SUCLA2: variants seen among roughly 807,000 people sequenced by gnomAD.
The protein encoded by SUCLA2 is succinate--CoA ligase [ADP-forming] subunit beta, mitochondrial.
Under a neutral mutation model 54.8 loss-of-function variants are expected in SUCLA2, and 30 were observed. The observed-to-expected ratio is 0.55, with a 90% CI of 0.41 to 0.74. The LOEUF (loss-of-function observed/expected upper bound fraction) is 0.74. Among genes scored for constraint, SUCLA2 ranks in the 30% least tolerant of loss-of-function variants. SUCLA2 has a pLI of 0.00. For missense variants in SUCLA2, 476 were observed against 562.9 expected (o/e 0.85, Z 1.56); for synonymous variants, 172 against 188.9 (o/e 0.91, Z 0.74).
intron 10 of SUCLA2, 113 bp from the exon 11 acceptor site, chr13:47,943,558 C>A: frequency 1.1e-6 from 1 of 896,380 alleles, no homozygotes; most frequent in Non-Finnish European, 1.8e-6. Context: ...ACTATTCTGA[C>A]ATTGCTATAA....
chr13:47,971,051 A>C (rs1949959089), intron 5 of SUCLA2, among the ~76,000 whole-genome samples: 2 of 151,850 alleles, frequency 1.3e-5, no homozygotes, highest in African/African-American at 4.8e-5. Flanking sequence ...AAAACTAAAA[A>C]TAAAAATCAA....
rs770679675 is a variant in SUCLA2 at position 47,943,159 on chromosome 13, AAAG to A, written c.*209_*211del. On this transcript the variant is annotated 3_prime_UTR_variant, in exon 11 of 11. Coordinates refer to ENST00000646932, the MANE Select transcript of SUCLA2 (RefSeq NM_003850.3). ...CAAAAAAGACTGGCTGCGACAAAAG[AAAG>A]AAGATAACTGCATTATACATGCTTC... is the stretch of plus-strand genomic sequence containing the variant. 2 of 528,320 alleles carry A rather than the reference AAAG, an allele frequency of 3.8e-6. No individual in the cohort carries two copies. Among genetic ancestry groups the A allele is most frequent in the South Asian group, 2.6e-5 (1 of 39,194 alleles). The allele number at this position is 528,320 out of a possible 1,614,324, so 32.7% of individuals were successfully genotyped here.
chr13:47,965,401 T>C (rs952156408), intron 6 of SUCLA2, among the ~76,000 whole-genome samples: 4 of 150,286 alleles, frequency 2.7e-5, no homozygotes, highest in African/African-American at 9.8e-5. Context: ...CCTCCTGACA[T>C]TGTGCACTAT....
intron 2 of SUCLA2, among the ~76,000 whole-genome samples, chr13:47,993,183 G>T (rs2137749002): frequency 1.3e-5 from 2 of 152,284 alleles, no homozygotes; most frequent in Middle Eastern, 6.8e-3. Flanking sequence ...AATGAGCCAT[G>T]ATCACACCAC....
chr13:47,962,931 C>A (rs1469192111), intron 6 of SUCLA2, among the ~76,000 whole-genome samples: 1 of 152,194 alleles, frequency 6.6e-6, no homozygotes, highest in Non-Finnish European at 1.5e-5. Context: ...CTCACCAGAT[C>A]ACCACATCCA....
At position 47,968,585 on chromosome 13, in the gene SUCLA2, G is replaced by T; in HGVS notation, c.802+10C>A. On this transcript the variant is annotated intron_variant, in intron 6 of 10. Transcript: ENST00000646932. ...TGCATAATCATGTTAGACAAAAGAAGATACTTTACCAGCTCCATCTGAATC... is the reference window on the plus strand; with the variant it reads ...TGCATAATCATGTTAGACAAAAGAATATACTTTACCAGCTCCATCTGAATC... The T allele has an allele frequency of 6.2e-7, 1 of 1,611,218 alleles. No individual in the cohort carries two copies. The highest frequency in any genetic ancestry group is 8.5e-7 in the Non-Finnish European group (1 of 1,179,560).
At chr13:47,992,145 T>C (rs1950154793) in intron 2 of SUCLA2, among the ~76,000 whole-genome samples, 1 of 152,228 alleles carries the variant, frequency 6.6e-6, no homozygotes, top group Admixed American at 6.5e-5. Flanking sequence ...AAAATGGTCA[T>C]AGTTACACTG....
intron 9 of SUCLA2, 58 bp downstream of exon 9, chr13:47,949,425 A>C (rs180722778): frequency 1.3e-6 from 2 of 1,596,936 alleles, no homozygotes; most frequent in Admixed American, 3.3e-5. Context: ...ACTGAACTCC[A>C]TGGAAATGTG....
At chr13:47,999,060 A>G (rs1038105475) in intron 1 of SUCLA2, among the ~76,000 whole-genome samples, 1 of 152,242 alleles carries the variant, frequency 6.6e-6, no homozygotes, top group Non-Finnish European at 1.5e-5. Flanking sequence ...GTTCACAGGC[A>G]TGTAAATAAA....
chr13:47,959,453 AGG>A (rs1949849082), intron 6 of SUCLA2, among the ~76,000 whole-genome samples: 1 of 118,568 alleles, frequency 8.4e-6, no homozygotes, highest in Non-Finnish European at 1.7e-5. Context: ...GAGGGGGAGG[AGG>A]AGAGGTGGAG....
intron 2 of SUCLA2, among the ~76,000 whole-genome samples, chr13:47,992,021 T>C (rs1266116922): frequency 6.6e-6 from 1 of 152,240 alleles, no homozygotes; most frequent in Non-Finnish European, 1.5e-5. Context: ...GAGCAGCCAC[T>C]ATTTATTCCA....
At position 47,949,634 on chromosome 13, in the gene SUCLA2, T is replaced by C; in HGVS notation, c.1108-31A>G. 2 of 1,610,336 alleles carry C rather than the reference T, an allele frequency of 1.2e-6. 1 individual carries two copies. Among genetic ancestry groups the C allele is most frequent in the South Asian group, 2.2e-5 (2 of 90,944 alleles). ...AATAAAGTGTTCTGATAGATTAAAA[T>C]TTAAAAGAAATTTAAGTTCTTTTCC... is the stretch of plus-strand genomic sequence containing the variant. On this transcript the variant is annotated intron_variant, in intron 8 of 10. Coordinates refer to ENST00000646932, the MANE Select transcript of SUCLA2 (RefSeq NM_003850.3).
At chr13:47,979,210 T>C (rs1311538178) in intron 4 of SUCLA2, among the ~76,000 whole-genome samples, 1 of 152,042 alleles carries the variant, frequency 6.6e-6, no homozygotes, top group Non-Finnish European at 1.5e-5. Flanking sequence ...TGTGGCATGA[T>C]TCACAATAGC....
At chr13:47,998,538 T>C (rs903146665) in intron 1 of SUCLA2, among the ~76,000 whole-genome samples, 3 of 152,178 alleles carry the variant, frequency 2.0e-5, no homozygotes, top group Admixed American at 6.5e-5. Flanking sequence ...CTGTGGTATA[T>C]GTATATAATA....
At chr13:47,943,572 A>G in intron 10 of SUCLA2, 127 bp from the exon 11 acceptor site, 1 of 802,366 alleles carries the variant, frequency 1.2e-6, no homozygotes, top group Non-Finnish European at 2.1e-6. Context: ...GCTATAAATC[A>G]CATTACGTTC....
chr13:47,996,999 TAAAC>T lies in SUCLA2; in HGVS notation c.111_114del (p.Phe38IlefsTer21), dbSNP rs1189679407. 4.3e-6 allele frequency: 7 copies of T among 1,613,986 alleles called. No homozygotes were observed. ...TGCTGTACTTGGAGTCCATGGTTAT[TAAAC>T]AATCCAGAACTTCCCAGAACCTAGA... is the stretch of plus-strand genomic sequence containing the variant. On this transcript the variant is annotated frameshift_variant, in exon 2 of 11. Transcript: ENST00000646932. LOFTEE classifies it high-confidence loss of function.
At chr13:47,954,361 A>G (rs756715984) in intron 7 of SUCLA2, 35 bp downstream of exon 7, 3 of 1,613,766 alleles carry the variant, frequency 1.9e-6, no homozygotes, top group Admixed American at 3.3e-5. Flanking sequence ...AATTAAACTT[A>G]GTGAATCCAA....
At chr13:47,984,669 G>A (rs1238017687) in intron 4 of SUCLA2, among the ~76,000 whole-genome samples, 1 of 152,056 alleles carries the variant, frequency 6.6e-6, no homozygotes, top group East Asian at 1.9e-4. Flanking sequence ...CCAGCTACTT[G>A]GAAGGCTGAG....
intron 10 of SUCLA2, among the ~76,000 whole-genome samples, chr13:47,948,356 T>C (rs998042260): frequency 2.6e-5 from 4 of 152,072 alleles, no homozygotes; most frequent in African/African-American, 7.3e-5. Flanking sequence ...CATACATACA[T>C]ATGCGTGCAT....
Sources: gnomAD v4.1 joint callset for allele counts (sites outside exome capture counted in the v4.1 genomes callset) on GRCh38, gnomAD v4.1.1 for gene constraint, MANE v1.5 for transcripts, NCBI Gene and HGNC (gene_info 2026-07-23, HGNC 2026-07-21) for gene names.